The following ELAPOR2 variants were observed in gnomAD, a reference collection of about 807,000 sequenced individuals.
ELAPOR2 encodes endosome/lysosome-associated apoptosis and autophagy regulator family member 2.
ELAPOR2 carries 89 observed loss-of-function variants against 120.7 expected under a neutral mutation model. The ratio of observed to expected loss-of-function variants is 0.74; its 90% confidence interval spans 0.62 to 0.88. The LOEUF is 0.88. ELAPOR2 is among the 40% of genes least tolerant of loss of function. The pLI is 0.00. For missense variants in ELAPOR2, 1,134 were observed against 1,251.6 expected (o/e 0.91, Z 1.42); for synonymous variants, 444 against 444.9 (o/e 1.00, Z 0.03).
At position 86,891,784 on chromosome 7, in the gene ELAPOR2, C is replaced by T; in HGVS notation, c.2970G>A (p.Glu990=). ...ACTGTTTATTGGAATATACAACTTC[C>T]TCTTCATTATCTTCTCCTTCCATGA... is the stretch of plus-strand genomic sequence containing the variant. ...CAIMEGEDNE[E]EVVYSNKQSL... The change falls in exon 21 of 22, where the codon GAG becomes GAA. Residue 990 remains glutamate, a synonymous_variant. Transcript: ENST00000450689. 6.2e-7 allele frequency: 1 copy of T among 1,611,888 alleles called. No homozygotes were observed. Among genetic ancestry groups the T allele is most frequent in the Non-Finnish European group, 8.5e-7 (1 of 1,178,584 alleles).
intron 1 of ELAPOR2, among the ~76,000 whole-genome samples, chr7:87,050,276 C>A (rs915727731): frequency 6.6e-6 from 1 of 152,116 alleles, no homozygotes. Flanking sequence ...GAATTTTAAT[C>A]CCCAATGCTG....
intron 1 of ELAPOR2, among the ~76,000 whole-genome samples, chr7:87,019,133 C>G (rs1793960336): frequency 6.6e-6 from 1 of 152,050 alleles, no homozygotes; most frequent in African/African-American, 2.4e-5. Context: ...AACAGATTGT[C>G]AAGATTTACA....
At chr7:86,936,764 C>G (rs1405945330) in intron 8 of ELAPOR2, among the ~76,000 whole-genome samples, 1 of 151,910 alleles carries the variant, frequency 6.6e-6, no homozygotes, top group African/African-American at 2.4e-5. Context: ...ATCCATTAGG[C>G]CCAGGTCAAA....
At chr7:86,949,171 G>C (rs965573888) in intron 2 of ELAPOR2, among the ~76,000 whole-genome samples, 3 of 152,044 alleles carry the variant, frequency 2.0e-5, no homozygotes, top group African/African-American at 7.2e-5. Flanking sequence ...TAAAACATGA[G>C]AAAATAAAAA....
chr7:86,996,058 G>T (rs1216176728), intron 1 of ELAPOR2, among the ~76,000 whole-genome samples: 1 of 151,986 alleles, frequency 6.6e-6, no homozygotes, highest in Non-Finnish European at 1.5e-5. Flanking sequence ...AAATGCAAAT[G>T]TGAGGGAATT....
rs967845736 is a variant in ELAPOR2, at chr7:86,949,073, C to T, written c.311-1151G>A. On this transcript the variant is annotated intron_variant, in intron 2 of 21. Coordinates refer to ENST00000450689, the MANE Select transcript of ELAPOR2 (RefSeq NM_001142749.3). ...TAAAATCCACACACATCTACTTATT[C>T]GCTGAATTAATATAATGCTTTCCTT... Among the ~76,000 whole-genome samples, 8 of 152,132 alleles carry T rather than the reference C, an allele frequency of 5.3e-5. No homozygotes were observed. In the East Asian group the frequency reaches 9.6e-4, roughly 18 times the overall value.
rs1409663049 is a variant in ELAPOR2 at position 86,914,843 on chromosome 7, A to G, written c.1611T>C (p.Ser537=). The change falls in exon 13 of 22, where the codon AGT becomes AGC. Residue 537 remains serine, a synonymous_variant. Transcript: ENST00000450689. ...LYFMVDINRK[S]TNVVESWGGT... is the part of the protein sequence containing the mutation. ...CACCCCACGATTCTACCACATTTGT[A>G]CTTTTTCTATTAATATCCTGAAATA... 2.5e-6 allele frequency: 4 copies of G among 1,609,788 alleles called. No individual in the cohort carries two copies. The highest frequency in any genetic ancestry group is 3.4e-6 in the Non-Finnish European group (4 of 1,178,260).
intron 1 of ELAPOR2, among the ~76,000 whole-genome samples, chr7:87,040,223 T>G (rs1260957925): frequency 1.3e-5 from 2 of 152,198 alleles, no homozygotes; most frequent in Admixed American, 6.5e-5. Flanking sequence ...CAGGCTTGCT[T>G]AGGTAAACAA....
intron 5 of ELAPOR2, 108 bp downstream of exon 5, chr7:86,941,910 T>C: frequency 1.6e-6 from 1 of 625,566 alleles, no homozygotes. Context: ...AAATATACTT[T>C]TCTTAAAACG....
chr7:86,893,884 A>G (rs1194823535), intron 19 of ELAPOR2, among the ~76,000 whole-genome samples: 1 of 152,116 alleles, frequency 6.6e-6, no homozygotes, highest in Non-Finnish European at 1.5e-5. Context: ...AGAAAATCCA[A>G]GTACAGCATA....
At chr7:86,984,499 T>A (rs1792637995) in intron 1 of ELAPOR2, among the ~76,000 whole-genome samples, 1 of 152,166 alleles carries the variant, frequency 6.6e-6, no homozygotes, top group African/African-American at 2.4e-5. Context: ...CAGACCACAG[T>A]GCAAACAAAT....
At chr7:86,887,747 T>C (rs1027579146) in intron 21 of ELAPOR2, among the ~76,000 whole-genome samples, 1 of 151,922 alleles carries the variant, frequency 6.6e-6, no homozygotes, top group African/African-American at 2.4e-5. Flanking sequence ...TTTCTGACTC[T>C]ATCTCCCTCA....
chr7:86,897,358 G>T, intron 19 of ELAPOR2, 148 bp downstream of exon 19: 2 of 927,562 alleles, frequency 2.2e-6, no homozygotes, highest in Non-Finnish European at 3.2e-6. Flanking sequence ...TGAGAGTTCA[G>T]CTGCCAAACT....
intron 1 of ELAPOR2, among the ~76,000 whole-genome samples, chr7:86,987,822 T>C (rs1373466409): frequency 6.6e-6 from 1 of 152,188 alleles, no homozygotes; most frequent in Non-Finnish European, 1.5e-5. Context: ...AGAAATACCA[T>C]TTGACCCAGC....
At chr7:86,977,411 T>C (rs1206177906) in intron 1 of ELAPOR2, among the ~76,000 whole-genome samples, 3 of 152,190 alleles carry the variant, frequency 2.0e-5, no homozygotes, top group Non-Finnish European at 2.9e-5. Context: ...TGCCTCATTA[T>C]TCCTCCCTGT....
At chr7:87,018,334 C>T (rs13229716) in intron 1 of ELAPOR2, among the ~76,000 whole-genome samples, 31,987 of 152,016 alleles carry the variant, frequency 0.21, 3,569 homozygotes, top group African/African-American at 0.25. Flanking sequence ...CCACCACGCC[C>T]GGCCAGAAAA....
At chr7:86,930,384 TA>T (rs988680334) in intron 8 of ELAPOR2, among the ~76,000 whole-genome samples, 23 of 152,120 alleles carry the variant, frequency 1.5e-4, no homozygotes, top group Non-Finnish European at 2.6e-4. Flanking sequence ...TTAAGAAACA[TA>T]AGCTCTAAGT....
At chr7:86,951,829 A>C (rs1791261191) in intron 2 of ELAPOR2, among the ~76,000 whole-genome samples, 1 of 152,210 alleles carries the variant, frequency 6.6e-6, no homozygotes, top group Admixed American at 6.5e-5. Context: ...TAATTCGTTA[A>C]TGTTGAACTC....
chr7:86,892,437 G>A (rs749523059), intron 20 of ELAPOR2, among the ~76,000 whole-genome samples: 6 of 151,960 alleles, frequency 3.9e-5, no homozygotes, highest in Non-Finnish European at 7.4e-5. Context: ...ATACATTCAG[G>A]AATTAGGCTC....
Sources: gnomAD v4.1 joint callset for allele counts (sites outside exome capture counted in the v4.1 genomes callset) on GRCh38, gnomAD v4.1.1 for gene constraint, MANE v1.5 for transcripts, NCBI Gene and HGNC (gene_info 2026-07-23, HGNC 2026-07-21) for gene names.